Variants in NTRK1 observed in about 807,000 individuals in gnomAD.
The protein encoded by NTRK1 is high affinity nerve growth factor receptor.
Under a neutral mutation model 86.8 loss-of-function variants are expected in NTRK1, and 62 were observed. That is an observed-to-expected ratio of 0.71 (90% CI 0.58 to 0.88). NTRK1 has a LOEUF of 0.88. Among genes scored for constraint, NTRK1 ranks in the 40% least tolerant of loss-of-function variants. The pLI is 0.00. For missense variants in NTRK1, 967 were observed against 1,078.4 expected (o/e 0.90, Z 1.45); for synonymous variants, 469 against 456.6 (o/e 1.03, Z -0.35).
chr1:156,845,569 T>A, intron 2 of NTRK1: 103 of 208,964 alleles, frequency 4.9e-4, no homozygotes, highest in Non-Finnish European at 7.2e-4. Flanking sequence ...GACCCGCCCC[T>A]CACAGGCCCC....
intron 2 of NTRK1, chr1:156,851,743 C>T (rs780062028): frequency 3.1e-6 from 5 of 1,614,020 alleles, no homozygotes; most frequent in African/African-American, 2.7e-5. Flanking sequence ...TGGTGCCTAC[C>T]TTGCACTCTT....
chr1:156,845,092 C>T lies in NTRK1; in HGVS notation c.50+2899C>T, dbSNP rs149474857. On this transcript the variant is annotated intron_variant, in intron 2 of 16. Transcript: ENST00000392302. Reference sequence around the variant, plus strand: ...ATCACCTACTGTGGGGCATGGTGCGCGCAAAGACGAAGGTGGCGGCGCTGC... The same window carrying T: ...ATCACCTACTGTGGGGCATGGTGCGTGCAAAGACGAAGGTGGCGGCGCTGC... 1.3e-3 allele frequency: 2,139 copies of T among 1,608,764 alleles called. 19 individuals carry two copies. The African/African-American group carries it at 0.026, about 19-fold the overall frequency.
chr1:156,856,031 C>G (rs1244608148), upstream of NTRK1, among the ~76,000 whole-genome samples: 2 of 151,832 alleles, frequency 1.3e-5, no homozygotes, highest in African/African-American at 2.4e-5. Context: ...TACTTGAACT[C>G]CTGGCCTCTT....
chr1:156,874,039 C>T (rs971048584), intron 8 of NTRK1, 80 bp downstream of exon 8: 3 of 1,425,704 alleles, frequency 2.1e-6, no homozygotes, highest in Non-Finnish European at 2.9e-6. Context: ...TAGCCCTGAC[C>T]CCAGAAATTG....
chr1:156,865,577 T>C (rs926125141), intron 3 of NTRK1, among the ~76,000 whole-genome samples: 1 of 152,324 alleles, frequency 6.6e-6, no homozygotes, highest in Non-Finnish European at 1.5e-5. Context: ...TTCCTTGCTG[T>C]GCTTCTCTTT....
At chr1:156,828,348 A>T (rs1654377712) in intron 1 of NTRK1, among the ~76,000 whole-genome samples, 1 of 152,202 alleles carries the variant, frequency 6.6e-6, no homozygotes, top group South Asian at 2.1e-4. Context: ...TTGAATTCTC[A>T]GTGCCTGGTA....
At chr1:156,841,309 A>C (rs1654770181) in intron 1 of NTRK1, 1 of 1,120,818 alleles carries the variant, frequency 8.9e-7, no homozygotes. Flanking sequence ...AAAGCATCAG[A>C]GGAGGTGAGC....
intron 1 of NTRK1, among the ~76,000 whole-genome samples, chr1:156,862,472 G>A (rs1655697744): frequency 6.6e-6 from 1 of 152,158 alleles, no homozygotes; most frequent in South Asian, 2.1e-4. Context: ...CCCCAAGTGG[G>A]TCCAGCAGGG....
chr1:156,876,890 T>TA (rs1206404610), intron 14 of NTRK1, among the ~76,000 whole-genome samples: 1 of 152,230 alleles, frequency 6.6e-6, no homozygotes, highest in African/African-American at 2.4e-5. Context: ...GCCAGGCCTG[T>TA]AAGGGTAGCA....
intron 1 of NTRK1, chr1:156,841,692 C>T: frequency 1.2e-6 from 2 of 1,614,074 alleles, no homozygotes; most frequent in South Asian, 2.2e-5. Context: ...GGTGAAGATC[C>T]CATCTTTGAG....
chr1:156,868,773 C>T (rs536761524), intron 6 of NTRK1, 126 bp downstream of exon 6: 53 of 1,408,860 alleles, frequency 3.8e-5, no homozygotes, highest in East Asian at 5.0e-5. Context: ...GGTTGAGGGA[C>T]GGACAGAGAT....
In NTRK1 at chr1:156,874,900, C is replaced by T. The variant is rs776728101; in HGVS notation, c.1252-6C>T. 2 of 1,605,930 alleles carry T rather than the reference C, an allele frequency of 1.2e-6. No individual in the cohort carries two copies. The highest frequency in any genetic ancestry group is 3.3e-5 in the Admixed American group (2 of 60,000). The stretch of plus-strand genomic sequence containing the variant: ...CCTGGATCTAACTACCCCTGTCCCC[C>T]ACCAGGTCTCGGTGGCTGTGGGCCT... On this transcript the variant is annotated splice_polypyrimidine_tract_variant and splice_region_variant and intron_variant, in intron 10 of 16. Transcript: ENST00000524377.
At chr1:156,864,257 G>C (rs1192598616) in intron 1 of NTRK1, 97 bp from the exon 2 acceptor site, 1 of 1,135,476 alleles carries the variant, frequency 8.8e-7, no homozygotes, top group African/African-American at 1.5e-5. Flanking sequence ...GCGTGTGCAT[G>C]TGGCATGTGC....
chr1:156,844,701 A>G (rs759716642), intron 2 of NTRK1: 1 of 1,614,018 alleles, frequency 6.2e-7, no homozygotes, highest in Admixed American at 1.7e-5. Flanking sequence ...TCCCACGGGC[A>G]CCTACCTCTC....
At position 156,868,655 on chromosome 1, in the gene NTRK1, G is replaced by C; in HGVS notation, c.717+8G>C. The C allele has an allele frequency of 6.4e-7, 1 of 1,550,388 alleles. No homozygotes were observed. Among genetic ancestry groups the C allele is most frequent in the Non-Finnish European group, 8.7e-7 (1 of 1,146,998 alleles). On this transcript the variant is annotated splice_region_variant and intron_variant, in intron 6 of 16. Coordinates refer to ENST00000524377, the MANE Select transcript of NTRK1 (RefSeq NM_002529.4). ...CAGTCAGCCACGGTGATGGTGAGAA[G>C]ACCTTCGCTGGCAGCCCCCAAGAGG...
chr1:156,859,202 C>T (rs1002120732), upstream of NTRK1, among the ~76,000 whole-genome samples: 2 of 138,732 alleles, frequency 1.4e-5, no homozygotes, highest in African/African-American at 5.3e-5. This position sits in a 1 kb window ranked among gnomAD's most constrained non-coding sequence, Gnocchi z 6.2. Context: ...CCTTTCCGTT[C>T]TCTCCACCCC....
intron 2 of NTRK1, chr1:156,844,251 G>A: frequency 6.2e-7 from 1 of 1,613,892 alleles, no homozygotes; most frequent in South Asian, 1.1e-5. Context: ...GCAGTGAGGA[G>A]GACATGCAGC....
chr1:156,849,502 G>GCTGGGGGGGGTGGGGGGGC, intron 2 of NTRK1: 1 of 934,048 alleles, frequency 1.1e-6, no homozygotes, highest in Non-Finnish European at 1.7e-6. Flanking sequence ...GGAGGTGGGG[G>GCTGGGGGGGGTGGGGGGGC]CAGGGGGTGG....
At chr1:156,867,737 C>G (rs1166411729) in intron 4 of NTRK1, among the ~76,000 whole-genome samples, 3 of 151,450 alleles carry the variant, frequency 2.0e-5, no homozygotes, top group African/African-American at 7.3e-5. Context: ...GGCACAATCT[C>G]ATCTCGGCTC....
Sources: gnomAD v4.1 joint callset for allele counts (sites outside exome capture counted in the v4.1 genomes callset) on GRCh38, gnomAD v4.1.1 for gene constraint, Gnocchi (gnomAD v3.1) non-coding constraint, MANE v1.5 for transcripts, NCBI Gene and HGNC (gene_info 2026-07-23, HGNC 2026-07-21) for gene names.